BIRC6: variants seen among roughly 807,000 people sequenced by gnomAD.
The protein encoded by BIRC6 is dual E2 ubiquitin-conjugating enzyme/E3 ubiquitin-protein ligase BIRC6.
Under a neutral mutation model 503.3 loss-of-function variants are expected in BIRC6, and 98 were observed. The ratio of observed to expected loss-of-function variants is 0.19; its 90% CI spans 0.17 to 0.23. BIRC6 has a LOEUF of 0.23. BIRC6 is among the 10% of genes least tolerant of loss of function. The pLI, the probability that BIRC6 is intolerant of heterozygous loss-of-function variation, is 1.00. For missense variants in BIRC6, 5,360 were observed against 5,806.0 expected (o/e 0.92, Z 2.50); for synonymous variants, 2,240 against 2,078.7 (o/e 1.08, Z -2.11).
chr2:32,500,606 G>GTTTTTTT (rs758919928), intron 46 of BIRC6, among the ~76,000 whole-genome samples: 154 of 118,208 alleles, frequency 1.3e-3, no homozygotes, highest in East Asian at 2.0e-3. Context: ...TTTTGTTTTT[G>GTTTTTTT]TTTTTTTTTT....
chr2:32,487,907 T>C (rs535082835), intron 41 of BIRC6, 106 bp downstream of exon 41: 1 of 933,440 alleles, frequency 1.1e-6, no homozygotes, highest in African/African-American at 1.7e-5. Flanking sequence ...ATGATTTCTT[T>C]ATTATATTCA....
chr2:32,532,968 AG>A (rs771536344), intron 61 of BIRC6, among the ~76,000 whole-genome samples: 1 of 152,154 alleles, frequency 6.6e-6, no homozygotes, highest in Non-Finnish European at 1.5e-5. Context: ...AATAATTTTG[AG>A]TAGCATGATT....
chr2:32,379,093 T>G (rs1398203546), intron 2 of BIRC6: 1 of 152,194 alleles, frequency 6.6e-6, no homozygotes, highest in South Asian at 2.1e-4. Flanking sequence ...TAGTGTCATA[T>G]AACAGTAGTC....
At position 32,430,973 on chromosome 2, in the gene BIRC6, C is replaced by G; in HGVS notation, c.3131C>G (p.Pro1044Arg). Residue 1044 changes from proline to arginine, a missense_variant, in exon 12 of 74, where the codon CCA becomes CGA. Around this residue, in one of 16 missense-constraint regions of BIRC6, gnomAD observed 700 missense variants for 739.3 expected, o/e 0.95. Coordinates refer to ENST00000421745, the MANE Select transcript of BIRC6 (RefSeq NM_016252.4). Reference protein sequence around the residue: ...LTPRFSATVPPCWVEVQQEQQ... With the variant: ...LTPRFSATVPRCWVEVQQEQQ... Reference sequence around the variant, plus strand: ...CCAAGGTTTTCAGCGACTGTTCCTCCATGCTGGGTAGAAGTTCAACAAGAA... The same window carrying G: ...CCAAGGTTTTCAGCGACTGTTCCTCGATGCTGGGTAGAAGTTCAACAAGAA... The G allele has an allele frequency of 6.2e-7, 1 of 1,613,408 alleles. No homozygotes were observed. The highest frequency in any genetic ancestry group is 1.1e-5 in the South Asian group (1 of 91,076).
At chr2:32,400,301 T>C (rs1427019333) in intron 6 of BIRC6, among the ~76,000 whole-genome samples, 4 of 151,752 alleles carry the variant, frequency 2.6e-5, no homozygotes, top group Non-Finnish European at 5.9e-5. Flanking sequence ...ATATATATTA[T>C]TTTATTCATA....
intron 71 of BIRC6, among the ~76,000 whole-genome samples, chr2:32,605,277 G>A (rs2062368872): frequency 6.6e-6 from 1 of 152,090 alleles, no homozygotes; most frequent in African/African-American, 2.4e-5. Context: ...CCTTTAGTGG[G>A]CTTTGCTTTG....
intron 44 of BIRC6, 22 bp downstream of exon 44, chr2:32,491,580 C>T: frequency 1.2e-6 from 2 of 1,608,822 alleles, no homozygotes; most frequent in Non-Finnish European, 1.7e-6. Context: ...TTTAGCCTGG[C>T]ATATGCCCAG....
intron 61 of BIRC6, among the ~76,000 whole-genome samples, chr2:32,539,856 C>T (rs1298497949): frequency 6.6e-6 from 1 of 151,872 alleles, no homozygotes; most frequent in Non-Finnish European, 1.5e-5. Context: ...ACAAGAAAGT[C>T]GTACATTTTG....
rs1320753474 is a variant in BIRC6 at position 32,527,544 on chromosome 2, G to A, written c.11920+1916G>A. On this transcript the variant is annotated intron_variant, in intron 59 of 73. Transcript: ENST00000421745. ...TATAAAGAATGCCATATATGTTGTT[G>A]CCAATACTTGGAACACAGTGACAAA... 2.0e-5 allele frequency: 3 copies of A among 152,190 alleles called. No homozygotes were observed. In the East Asian group the frequency reaches 5.8e-4, roughly 29 times the overall value. The allele number at this position is 152,190 out of a possible 1,614,324, so 9.4% of individuals were successfully genotyped here.
In BIRC6 at chr2:32,505,013, A is replaced by G. The variant is rs753311387; in HGVS notation, c.9508A>G (p.Thr3170Ala). Residue 3170 changes from threonine to alanine, a missense_variant, in exon 50 of 74, where the codon ACA becomes GCA. This residue lies in a region of BIRC6 where 267 missense variants were observed against 287.6 expected (regional missense o/e 0.93). Transcript: ENST00000421745. ...IHNFAPLGTI[T>A]SSSPTAQPAE... ...TAAAATATCTTCTCTAGGTACAATCACATCTAGCAGTCCTACTGCCCAACC... is the reference window on the plus strand; with the variant it reads ...TAAAATATCTTCTCTAGGTACAATCGCATCTAGCAGTCCTACTGCCCAACC... The G allele has an allele frequency of 2.0e-5, 32 of 1,612,882 alleles. No individual in the cohort carries two copies. Among genetic ancestry groups the G allele is most frequent in the Non-Finnish European group, 2.5e-5 (30 of 1,179,266 alleles).
chr2:32,365,055 T>C (rs576571483), intron 1 of BIRC6, among the ~76,000 whole-genome samples: 45 of 152,194 alleles, frequency 3.0e-4, no homozygotes, highest in Non-Finnish European at 6.0e-4. Context: ...TTTGAGTTTT[T>C]ATAAAAACTT....
chr2:32,554,475 C>A (rs1209081963), intron 65 of BIRC6, among the ~76,000 whole-genome samples: 1 of 152,028 alleles, frequency 6.6e-6, no homozygotes, highest in Non-Finnish European at 1.5e-5. Flanking sequence ...TGGATTTTGT[C>A]ATTATGAAAA....
At position 32,485,663 on chromosome 2, in the gene BIRC6, G is replaced by T. The variant is rs940482237; in HGVS notation, c.7717G>T (p.Val2573Phe). 1 of 1,613,086 alleles carries T rather than the reference G, an allele frequency of 6.2e-7. No homozygotes were observed. The highest frequency in any genetic ancestry group is 1.3e-5 in the African/African-American group (1 of 74,880). ...TGTAGCCCTGGATGCTCGCCTAGAA[G>T]TTGGACTTGAACAGCAAGCAGAACT... ...VSQALDARLE[V>F]GLEQQAELML... The change falls in exon 40 of 74, where the codon GTT (valine) becomes TTT (phenylalanine). Residue 2573 changes from valine (V) to phenylalanine (F), a missense_variant. Transcript: ENST00000421745.
intron 9 of BIRC6, among the ~76,000 whole-genome samples, chr2:32,409,269 A>G (rs1412333586): frequency 6.6e-6 from 1 of 151,678 alleles, no homozygotes; most frequent in Non-Finnish European, 1.5e-5. Context: ...AAGCAATTCT[A>G]CTGCCTCAGC....
Position 32,461,171 on chromosome 2 carries a change from TC to T in BIRC6, c.4754-2022del, listed in dbSNP as rs1558791040. Among the ~76,000 whole-genome samples, 29 of 15,162 alleles carry T rather than the reference TC, an allele frequency of 1.9e-3. 10 individuals are homozygous for T. Among genetic ancestry groups the T allele is most frequent in the African/African-American group, 8.4e-3 (28 of 3,332 alleles). The allele number at this position is 15,162 out of a possible 152,430, so 9.9% of individuals were successfully genotyped here. On this transcript the variant is annotated intron_variant, in intron 23 of 73. Coordinates refer to ENST00000421745, the MANE Select transcript of BIRC6 (RefSeq NM_016252.4). ...CCCTCCCCTCCCCTCTCCCCTCCCC[TC>T]TCCCCTCCCCTCTCCCCTCCCCTTC...
At chr2:32,545,949 C>G (rs2058026434) in intron 63 of BIRC6, 89 bp downstream of exon 63, 2 of 1,205,338 alleles carry the variant, frequency 1.7e-6, no homozygotes, top group Non-Finnish European at 1.2e-6. Context: ...ATTAATCTTT[C>G]AGAGACTTGG....
intron 21 of BIRC6, among the ~76,000 whole-genome samples, chr2:32,447,445 C>T (rs868357148): frequency 0.01 from 1,510 of 146,102 alleles, 2 homozygotes; most frequent in Non-Finnish European, 0.016. Flanking sequence ...CCCCCCACCT[C>T]CCTCCCGGAC....
At chr2:32,424,725 C>T (rs1202481899) in intron 10 of BIRC6, among the ~76,000 whole-genome samples, 1 of 152,096 alleles carries the variant, frequency 6.6e-6, no homozygotes, top group African/African-American at 2.4e-5. Context: ...GTTGACCATG[C>T]TGGTCTCCAA....
At chr2:32,551,570 A>G (rs2058428039) in intron 65 of BIRC6, among the ~76,000 whole-genome samples, 4 of 152,186 alleles carry the variant, frequency 2.6e-5, no homozygotes, top group Admixed American at 2.6e-4. Flanking sequence ...ACCTGAGCCA[A>G]CACACCCTGC....
Sources: allele counts gnomAD v4.1 joint callset (sites outside exome capture counted in the v4.1 genomes callset), GRCh38; gene constraint gnomAD v4.1.1; regional missense constraint gnomAD v4.1.1; transcripts MANE v1.5; gene names NCBI Gene and HGNC (gene_info 2026-07-23, HGNC 2026-07-21).